The following USH1C variants were observed in gnomAD, a reference collection of about 807,000 sequenced individuals.
USH1C encodes harmonin.
In USH1C, 90 loss-of-function variants were observed where a neutral mutation model predicts 119.3. The ratio of observed to expected loss-of-function variants is 0.75; its 90% CI spans 0.64 to 0.90. The LOEUF (loss-of-function observed/expected upper bound fraction) is 0.90. Ranked by LOEUF, USH1C falls within the 40% of genes least tolerant of loss-of-function variation. The probability of loss-of-function intolerance (pLI) is 0.00; values close to 1 mark genes in which losing one functional copy is unlikely to be tolerated. For missense variants in USH1C, 1,165 were observed against 1,167.7 expected (o/e 1.00, Z 0.03); for synonymous variants, 465 against 443.3 (o/e 1.05, Z -0.62).
intron 24 of USH1C, 126 bp downstream of exon 24, chr11:17,498,036 A>G (rs1463358041): frequency 2.6e-6 from 2 of 782,352 alleles, no homozygotes; most frequent in Non-Finnish European, 2.2e-6. Flanking sequence ...TGGTGTCACC[A>G]AAGTGTTGCC....
chr11:17,523,274 G>A lies in USH1C; in HGVS notation c.820-7C>T. ...TCTTCAGCACATTTACAGCCTGTGG[G>A]GACAGAAGGACAGTGGGCCGAGGCC... On this transcript the variant is annotated splice_polypyrimidine_tract_variant and splice_region_variant and intron_variant, in intron 10 of 26. Coordinates refer to ENST00000005226, the MANE Select transcript of USH1C (RefSeq NM_153676.4). 1 of 1,614,164 alleles carries A rather than the reference G, an allele frequency of 6.2e-7. No homozygotes were observed. Among genetic ancestry groups the A allele is most frequent in the South Asian group, 1.1e-5 (1 of 91,082 alleles).
At chr11:17,538,455 G>T (rs1013432090) in intron 1 of USH1C, among the ~76,000 whole-genome samples, 1 of 152,228 alleles carries the variant, frequency 6.6e-6, no homozygotes, top group Non-Finnish European at 1.5e-5. Flanking sequence ...AACTCAGGAA[G>T]ATTCAACTTT....
At position 17,516,246 on chromosome 11, in the gene USH1C, G is replaced by C; in HGVS notation, c.1255C>G (p.Arg419Gly). 1 of 1,613,586 alleles carries C rather than the reference G, an allele frequency of 6.2e-7. No homozygotes were observed. ...AGCACCCAACCCTGTCCTACCTTCC[G>C]GATGGTTGGGAATTTGCCATCGTAA... ...YRYDGKFPTIRKKGKDKKKAK... is the reference protein window; with the variant it reads ...YRYDGKFPTIGKKGKDKKKAK... The change falls in exon 15 of 27, where the codon CGG becomes GGG. Residue 419 changes from arginine (R) to glycine (G), a missense_variant. Transcript: ENST00000005226.
chr11:17,494,843 A>T (rs1591950705), intron 26 of USH1C: 1 of 217,630 alleles, frequency 4.6e-6, no homozygotes, highest in Non-Finnish European at 8.7e-6. Flanking sequence ...GCCACCTGCC[A>T]GCTCTGTCCA....
chr11:17,526,075 C>T (rs1850655007), intron 8 of USH1C, among the ~76,000 whole-genome samples: 1 of 152,138 alleles, frequency 6.6e-6, no homozygotes, highest in Non-Finnish European at 1.5e-5. Flanking sequence ...GCAGTGTGTT[C>T]CTGTAGATCC....
chr11:17,516,364 G>GCTCCCAT, intron 14 of USH1C, 74 bp from the exon 15 acceptor site: 1 of 1,453,502 alleles, frequency 6.9e-7, no homozygotes, highest in Non-Finnish European at 9.5e-7. Context: ...GCAGATGGGA[G>GCTCCCAT]CTGGGTTCCC....
intron 19 of USH1C, among the ~76,000 whole-genome samples, chr11:17,504,927 C>T (rs111516075): frequency 5.9e-5 from 9 of 152,348 alleles, no homozygotes; most frequent in African/African-American, 1.2e-4. Context: ...TGGATGCATC[C>T]GCAGGCTGTC....
intron 14 of USH1C, chr11:17,517,364 G>A: frequency 1.9e-6 from 3 of 1,554,674 alleles, no homozygotes; most frequent in Non-Finnish European, 8.7e-7. Context: ...GGGTAAAGCA[G>A]AGCAGCCAGG....
At chr11:17,537,208 A>G (rs1278561884) in intron 1 of USH1C, among the ~76,000 whole-genome samples, 1 of 152,182 alleles carries the variant, frequency 6.6e-6, no homozygotes, top group Non-Finnish European at 1.5e-5. Context: ...TTCCAATATT[A>G]AAAAATTATA....
chr11:17,514,797 CTTT>C (rs57651457), intron 15 of USH1C, among the ~76,000 whole-genome samples: 70,963 of 138,996 alleles, frequency 0.51, 18,339 homozygotes, highest in East Asian at 0.66. Context: ...AGAAGCAATT[CTTT>C]TTTTTTTTTT....
At chr11:17,540,424 C>T (rs941355644) in intron 1 of USH1C, among the ~76,000 whole-genome samples, 4 of 152,044 alleles carry the variant, frequency 2.6e-5, no homozygotes, top group African/African-American at 7.3e-5. Context: ...CGGGCTCTGT[C>T]CTAGGTCTCC....
intron 1 of USH1C, among the ~76,000 whole-genome samples, chr11:17,540,111 C>T (rs1272782064): frequency 2.0e-5 from 3 of 152,242 alleles, no homozygotes; most frequent in African/African-American, 2.4e-5. Flanking sequence ...GGATTTCAGG[C>T]GTGAGCCGCC....
Position 17,527,022 on chromosome 11 carries a change from A to C in USH1C, c.515T>G (p.Val172Gly). The C allele has an allele frequency of 3.8e-6, 6 of 1,561,202 alleles. No homozygotes were observed. Among genetic ancestry groups the C allele is most frequent in the Non-Finnish European group, 5.2e-6 (6 of 1,151,816 alleles). ...CAGAGGAGGGGCCTCTCACCTTTTCACGGGGATCAGGCCGATGTCTGCGGG... is the reference window on the plus strand; with the variant it reads ...CAGAGGAGGGGCCTCTCACCTTTTCCCGGGGATCAGGCCGATGTCTGCGGG... ...IKVRHIGLIP[V>G]KSSPDEPLTW... is the part of the protein sequence containing the mutation. Residue 172 changes from valine (V) to glycine (G), a missense_variant, in exon 6 of 27, where the codon GTG becomes GGG. Val to Gly is a moderately radical substitution (Grantham distance 109). Coordinates refer to ENST00000005226, the MANE Select transcript of USH1C (RefSeq NM_153676.4).
chr11:17,496,886 A>T, intron 24 of USH1C, 73 bp from the exon 25 acceptor site: 5 of 1,573,620 alleles, frequency 3.2e-6, no homozygotes, highest in Non-Finnish European at 4.4e-6. Flanking sequence ...CTCCATCCCC[A>T]TTTCTGGGCC....
In USH1C at chr11:17,495,629, C is replaced by T; in HGVS notation, c.2595G>A (p.Lys865=). ...SVAESPQPVR[K]LLEDRAAVHR... is the part of the protein sequence containing the mutation. ...GCACGGCAGCACGGTCTTCAAGGAG[C>T]TTTCGGACCGGTTGGGGGCTTTCAG... Residue 865 remains lysine (K), a synonymous_variant, in exon 26 of 27, where the codon AAG becomes AAA. Coordinates refer to ENST00000005226, the MANE Select transcript of USH1C (RefSeq NM_153676.4). 6.2e-7 allele frequency: 1 copy of T among 1,614,200 alleles called. No individual in the cohort carries two copies. The highest frequency in any genetic ancestry group is 8.5e-7 in the Non-Finnish European group (1 of 1,180,038).
intron 5 of USH1C, 25 bp from the exon 6 acceptor site, chr11:17,527,065 A>C: frequency 6.7e-7 from 1 of 1,501,760 alleles, no homozygotes; most frequent in Non-Finnish European, 9.0e-7. Context: ...CACAGGGGTT[A>C]GGACAGCTCC....
At position 17,524,437 on chromosome 11, in the gene USH1C, C is replaced by A; in HGVS notation, c.759+14G>T. On this transcript the variant is annotated intron_variant, in intron 9 of 26. Coordinates refer to ENST00000005226, the MANE Select transcript of USH1C (RefSeq NM_153676.4). ...CCAGTGGGCCCCCACTGGGGCCGGC[C>A]CAGCGTCACTCACCTCCAATCCCAC... 1.3e-6 allele frequency: 2 copies of A among 1,565,366 alleles called. No individual in the cohort carries two copies. The highest frequency in any genetic ancestry group is 1.7e-6 in the Non-Finnish European group (2 of 1,153,774).
rs1245383460 is a variant in USH1C, at chr11:17,534,564, C to T, written c.37-1242G>A. Among the ~76,000 whole-genome samples, 4 of 152,216 alleles carry T rather than the reference C, an allele frequency of 2.6e-5. No individual in the cohort carries two copies. In the South Asian group the frequency reaches 6.2e-4, roughly 24 times the overall value. ...CCAAAAGGGCACCCTTGCTTTCTCC[C>T]TACCTCAGTGCAAGGAGTTCCCAGC... On this transcript the variant is annotated intron_variant, in intron 1 of 26. Transcript: ENST00000005226.
At chr11:17,513,803 C>A (rs1850011145) in intron 15 of USH1C, among the ~76,000 whole-genome samples, 1 of 149,632 alleles carries the variant, frequency 6.7e-6, no homozygotes, top group African/African-American at 2.5e-5. Flanking sequence ...AGAATAATGG[C>A]CATTCTGTTG....
Sources: gnomAD v4.1 joint callset for allele counts (sites outside exome capture counted in the v4.1 genomes callset) on GRCh38, gnomAD v4.1.1 for gene constraint, MANE v1.5 for transcripts, NCBI Gene and HGNC (gene_info 2026-07-23, HGNC 2026-07-21) for gene names.